Variants in WDR12 observed in about 807,000 individuals in gnomAD.
WDR12 encodes ribosome biogenesis protein WDR12.
Under a neutral mutation model 64.3 loss-of-function variants are expected in WDR12, and 42 were observed. The observed-to-expected ratio is 0.65, with a 90% CI of 0.51 to 0.84. The LOEUF is 0.84. Among genes scored for constraint, WDR12 ranks in the 40% least tolerant of loss-of-function variants. The pLI is 0.00. For missense variants in WDR12, 469 were observed against 494.6 expected (o/e 0.95, Z 0.49); for synonymous variants, 158 against 173.3 (o/e 0.91, Z 0.70).
In WDR12 at chr2:202,882,696, C is replaced by T. The variant is rs779879954; in HGVS notation, c.1194+15G>A. The stretch of plus-strand genomic sequence containing the variant: ...AGTCACTTTCCTCTTCATCAAATAA[C>T]TAATAAATTCTTACCCCTGTGTCTG... On this transcript the variant is annotated intron_variant, in intron 12 of 12. Transcript: ENST00000261015. 3.1e-6 allele frequency: 5 copies of T among 1,608,952 alleles called. No homozygotes were observed. The highest frequency in any genetic ancestry group is 8.5e-7 in the Non-Finnish European group (1 of 1,175,728).
intron 8 of WDR12, among the ~76,000 whole-genome samples, chr2:202,887,796 G>A (rs1362305885): frequency 6.0e-5 from 9 of 150,674 alleles, no homozygotes; most frequent in African/African-American, 2.2e-4. Context: ...GCTGAGGCAG[G>A]AGAATGGCGT....
At position 202,875,025 on chromosome 2, in the gene WDR12, G is replaced by C. The variant is rs942479311; in HGVS notation, c.*5835C>G. 1 of 152,132 alleles carries C rather than the reference G, an allele frequency of 6.6e-6. No individual in the cohort carries two copies. The highest frequency in any genetic ancestry group is 2.1e-4 in the South Asian group (1 of 4,828). The allele number at this position is 152,132 out of a possible 1,614,324, so 9.4% of individuals were successfully genotyped here. On this transcript the variant is annotated 3_prime_UTR_variant, in exon 13 of 13. Transcript: ENST00000261015. The stretch of plus-strand genomic sequence containing the variant: ...TGACATGTTTCTAAACTTTGTATCA[G>C]ATAGTACCTAACAAGATACTTTCTC...
intron 4 of WDR12, among the ~76,000 whole-genome samples, chr2:202,899,043 T>G (rs890593480): frequency 1.5e-5 from 2 of 129,842 alleles, no homozygotes; most frequent in African/African-American, 5.9e-5. Context: ...TTTTTTTTTT[T>G]TTTTTTTTTT....
chr2:202,903,004 G>A (rs1018620302), intron 2 of WDR12, among the ~76,000 whole-genome samples: 2 of 152,008 alleles, frequency 1.3e-5, no homozygotes, highest in African/African-American at 2.4e-5. Flanking sequence ...GCTTGAACCC[G>A]GGAGGTGGAG....
At chr2:202,886,330 C>T (rs550610711) in intron 8 of WDR12, among the ~76,000 whole-genome samples, 1 of 151,592 alleles carries the variant, frequency 6.6e-6, no homozygotes, top group African/African-American at 2.4e-5. Context: ...TGGTAGCACA[C>T]TCCTGTAGTC....
At chr2:202,904,398 A>C (rs1015971367) in intron 2 of WDR12, among the ~76,000 whole-genome samples, 7 of 152,158 alleles carry the variant, frequency 4.6e-5, no homozygotes, top group Non-Finnish European at 7.3e-5. Context: ...ACCTTAAGCA[A>C]AAAGAACAAA....
Position 202,894,573 on chromosome 2 carries a change from T to C in WDR12, c.655+8A>G, listed in dbSNP as rs1446277066. Reference sequence around the variant, plus strand: ...ATTAAGTCAAGGTAAAATAAATATTTAATTTACCTGTAGACCAGATCTTTA... The same window carrying C: ...ATTAAGTCAAGGTAAAATAAATATTCAATTTACCTGTAGACCAGATCTTTA... On this transcript the variant is annotated splice_region_variant and intron_variant, in intron 7 of 12. Transcript: ENST00000261015. The C allele has an allele frequency of 6.3e-7, 1 of 1,597,104 alleles. No individual in the cohort carries two copies. The highest frequency in any genetic ancestry group is 8.5e-7 in the Non-Finnish European group (1 of 1,173,222).
intron 1 of WDR12, among the ~76,000 whole-genome samples, chr2:202,908,779 T>C (rs1018017256): frequency 6.6e-6 from 1 of 152,186 alleles, no homozygotes; most frequent in Non-Finnish European, 1.5e-5. Context: ...GAGGAACACA[T>C]GACAGGAGGC....
At chr2:202,885,574 G>A (rs779291666) in intron 8 of WDR12, among the ~76,000 whole-genome samples, 4 of 152,082 alleles carry the variant, frequency 2.6e-5, no homozygotes, top group Non-Finnish European at 5.9e-5. Flanking sequence ...AACTCCTCCA[G>A]GTAAATTAAT....
rs1296661110 is a variant in WDR12 at position 202,875,384 on chromosome 2, TA to T, written c.*5475del. On this transcript the variant is annotated 3_prime_UTR_variant, in exon 13 of 13. Transcript: ENST00000261015. ...ACAAATGTCACTTAAATTTATGTAT[TA>T]CTTTTTTTTTTTTTTTTTTTGAGAC... The T allele has an allele frequency of 3.4e-5, 5 of 148,872 alleles. No homozygotes were observed. In the South Asian group the frequency reaches 6.3e-4, roughly 19 times the overall value. The allele number at this position is 148,872 out of a possible 1,614,324, so 9.2% of individuals were successfully genotyped here.
At chr2:202,897,511 C>T (rs1204380207) in intron 4 of WDR12, 96 bp from the exon 5 acceptor site, 2 of 569,234 alleles carry the variant, frequency 3.5e-6, no homozygotes, top group East Asian at 3.3e-5. Flanking sequence ...GAGGATTATA[C>T]TTTTAAACTC....
At chr2:202,911,372 CA>C (rs1395542257) in intron 1 of WDR12, 63 bp downstream of exon 1, 2 of 1,522,692 alleles carry the variant, frequency 1.3e-6, no homozygotes, top group African/African-American at 2.7e-5. Flanking sequence ...TCCACAAGGT[CA>C]TACCAAAGGG....
intron 2 of WDR12, among the ~76,000 whole-genome samples, chr2:202,907,001 T>G (rs1363774862): frequency 1.3e-5 from 2 of 151,190 alleles, no homozygotes; most frequent in Non-Finnish European, 2.9e-5. Flanking sequence ...CAGGCTGGAG[T>G]GCAATGGTGC....
intron 6 of WDR12, among the ~76,000 whole-genome samples, chr2:202,895,472 G>A (rs914599427): frequency 3.3e-5 from 5 of 151,288 alleles, no homozygotes. Context: ...TTACTATGAG[G>A]TAAGAAGGTT....
chr2:202,908,064 C>T, intron 1 of WDR12, 105 bp from the exon 2 acceptor site: 1 of 1,037,604 alleles, frequency 9.6e-7, no homozygotes, highest in South Asian at 1.4e-5. Flanking sequence ...TGCCAGACAT[C>T]CAGACATTTT....
At chr2:202,896,930 T>C (rs1387756694) in intron 5 of WDR12, among the ~76,000 whole-genome samples, 1 of 152,070 alleles carries the variant, frequency 6.6e-6, no homozygotes, top group Non-Finnish European at 1.5e-5. Context: ...GATGTTGCAG[T>C]GAGCCGAGAT....
intron 2 of WDR12, among the ~76,000 whole-genome samples, chr2:202,906,913 A>G (rs1688468151): frequency 1.3e-5 from 2 of 152,332 alleles, no homozygotes; most frequent in Admixed American, 1.3e-4. Flanking sequence ...TGAGATACAG[A>G]AAATAATATA....
At chr2:202,892,585 G>A in intron 8 of WDR12, 32 bp downstream of exon 8, 2 of 1,514,988 alleles carry the variant, frequency 1.3e-6, no homozygotes, top group Non-Finnish European at 1.8e-6. Context: ...ACAGGCCTAA[G>A]GCAAGTACAG....
intron 1 of WDR12, 81 bp downstream of exon 1, chr2:202,911,355 C>T: frequency 7.2e-7 from 1 of 1,398,330 alleles, no homozygotes. Flanking sequence ...GCAGAAACAA[C>T]CAGGGATCCA....
Sources: allele counts gnomAD v4.1 joint callset (sites outside exome capture counted in the v4.1 genomes callset), GRCh38; gene constraint gnomAD v4.1.1; transcripts MANE v1.5; gene names NCBI Gene and HGNC (gene_info 2026-07-23, HGNC 2026-07-21).